CACNA1C: variants seen among roughly 807,000 people sequenced by gnomAD.
The protein encoded by CACNA1C is calcium voltage-gated channel subunit alpha1 C.
CACNA1C carries 30 observed loss-of-function variants against 229.0 expected under a neutral mutation model. The ratio of observed to expected loss-of-function variants is 0.13; its 90% CI spans 0.10 to 0.18. The LOEUF (loss-of-function observed/expected upper bound fraction) is 0.18. Ranked by LOEUF, CACNA1C falls within the 10% of genes least tolerant of loss-of-function variation. CACNA1C has a pLI of 1.00. For synonymous variants in CACNA1C, 1,114 were observed against 1,132.5 expected, an observed-to-expected ratio of 0.98 and a Z score of 0.33; for missense variants, 1,658 against 2,845.0, an observed-to-expected ratio of 0.58 and a Z score of 9.49.
Position 2,486,659 on chromosome 12 carries a change from G to A in CACNA1C, c.916+397G>A, listed in dbSNP as rs2099698936. On this transcript the variant is annotated intron_variant, in intron 6 of 46. Transcript: ENST00000399655. This position sits in a 1 kb window ranked among gnomAD's most constrained non-coding sequence, Gnocchi z 4.9. ...GCTTCAGTGTGGTTGGCCATTGGGA[G>A]CCCTTTCACGGGGCCGCTTAGCCCT... 6.6e-6 allele frequency among the ~76,000 whole-genome samples: 1 copy of A among 152,168 alleles called. No homozygotes were observed. Among genetic ancestry groups the A allele is most frequent in the Admixed American group, 6.5e-5 (1 of 15,276 alleles).
At position 2,457,648 on chromosome 12, in the gene CACNA1C, G is replaced by T. The variant is rs867471302; in HGVS notation, c.699G>T (p.Val233=). Residue 233 remains valine (V), a synonymous_variant, in exon 5 of 47, where the codon GTG becomes GTT. Transcript: ENST00000399655. ...ALGGKGAGFD[V]KALRAFRVLR... ...GAGGGAAAGGGGCCGGATTTGATGTGAAGGCGCTGAGGGCCTTCCGCGTGC... is the reference window on the plus strand; with the variant it reads ...GAGGGAAAGGGGCCGGATTTGATGTTAAGGCGCTGAGGGCCTTCCGCGTGC... 1 of 1,612,258 alleles carries T rather than the reference G, an allele frequency of 6.2e-7. No individual in the cohort carries two copies. Among genetic ancestry groups the T allele is most frequent in the South Asian group, 1.1e-5 (1 of 90,890 alleles).
rs1753548380 is a variant in CACNA1C, at chr12:2,479,080, AT to A, written c.758-7020del. ...TGGGAGAAGCTGGTGTTTGATCTAC[AT>A]TTTCTTAGAATCTGCATCGCAAATC... On this transcript the variant is annotated intron_variant, in intron 5 of 46. Coordinates refer to ENST00000399655, the MANE Select transcript of CACNA1C (RefSeq NM_000719.7). This position sits in a 1 kb window ranked among gnomAD's most constrained non-coding sequence, Gnocchi z 4.3. Among the ~76,000 whole-genome samples, 1 of 151,544 alleles carries A rather than the reference AT, an allele frequency of 6.6e-6. No individual in the cohort carries two copies. Among genetic ancestry groups the A allele is most frequent in the Non-Finnish European group, 1.5e-5 (1 of 67,964 alleles).
chr12:2,684,493 G>A (rs941772306), intron 43 of CACNA1C, among the ~76,000 whole-genome samples: 7 of 152,080 alleles, frequency 4.6e-5, no homozygotes, highest in African/African-American at 1.4e-4. Flanking sequence ...AAACTATTTC[G>A]GTTATTCTAG....
At chr12:2,313,970 A>G (rs1381325287) in intron 3 of CACNA1C, among the ~76,000 whole-genome samples, 1 of 152,230 alleles carries the variant, frequency 6.6e-6, no homozygotes, top group Admixed American at 6.5e-5. Flanking sequence ...GGAAAATATC[A>G]ACAGCCTGCC....
At chr12:2,086,038 G>A (rs755361840) in intron 1 of CACNA1C, among the ~76,000 whole-genome samples, 49 of 152,130 alleles carry the variant, frequency 3.2e-4, no homozygotes, top group Non-Finnish European at 5.7e-4. Context: ...GACTTCTTCC[G>A]CAGATGCAGC....
chr12:2,502,664 T>C (rs906516014), intron 7 of CACNA1C, among the ~76,000 whole-genome samples: 4 of 152,218 alleles, frequency 2.6e-5, no homozygotes, highest in Non-Finnish European at 5.9e-5. Flanking sequence ...AAAGAACATA[T>C]TGGGATGTAA....
chr12:2,191,610 T>C (rs1269666252), intron 3 of CACNA1C, among the ~76,000 whole-genome samples: 2 of 149,822 alleles, frequency 1.3e-5, no homozygotes, highest in African/African-American at 2.5e-5. Context: ...ACACATGCGC[T>C]CAGGCACACA....
At chr12:2,483,136 AT>A (rs2099683012) in intron 5 of CACNA1C, among the ~76,000 whole-genome samples, 1 of 152,222 alleles carries the variant, frequency 6.6e-6, no homozygotes, top group Non-Finnish European at 1.5e-5. Context: ...GAGGCAGGGA[AT>A]GGCTTTCCAG....
chr12:2,640,523 CAAACG>C (rs1339779912), intron 30 of CACNA1C, among the ~76,000 whole-genome samples: 1 of 152,228 alleles, frequency 6.6e-6, no homozygotes, highest in Non-Finnish European at 1.5e-5. Flanking sequence ...GAACAGAAGG[CAAACG>C]CCAGGAGGCG....
intron 1 of CACNA1C, among the ~76,000 whole-genome samples, chr12:2,075,789 G>A (rs1048466316): frequency 2.0e-5 from 3 of 152,174 alleles, no homozygotes; most frequent in African/African-American, 7.2e-5. Flanking sequence ...GGCTTGTGCT[G>A]TGCCCCAGGT....
chr12:2,592,148 G>T (rs913786694), intron 18 of CACNA1C, among the ~76,000 whole-genome samples: 8 of 152,214 alleles, frequency 5.3e-5, no homozygotes, highest in African/African-American at 1.9e-4. Context: ...AAATAGTTTC[G>T]TGTGAGTGGA....
At chr12:2,578,488 C>T (rs1318719590) in intron 13 of CACNA1C, among the ~76,000 whole-genome samples, 3 of 152,168 alleles carry the variant, frequency 2.0e-5, no homozygotes, top group Non-Finnish European at 4.4e-5. Flanking sequence ...TCGTGGGCCT[C>T]ACCTCATAGC....
chr12:2,569,666 AT>A (rs1247164312), intron 13 of CACNA1C, among the ~76,000 whole-genome samples: 2 of 152,234 alleles, frequency 1.3e-5, no homozygotes, highest in Admixed American at 1.3e-4. Flanking sequence ...TTGTAGGGAT[AT>A]ACTACATTTT....
chr12:2,500,902 C>G (rs921550201), intron 7 of CACNA1C, among the ~76,000 whole-genome samples: 2 of 151,986 alleles, frequency 1.3e-5, no homozygotes, highest in Non-Finnish European at 2.9e-5. Context: ...CTGACTGCCC[C>G]ACCCTCTCAA....
chr12:2,069,418 T>G (rs1193323341), intron 1 of CACNA1C, among the ~76,000 whole-genome samples: 2 of 152,130 alleles, frequency 1.3e-5, no homozygotes. Context: ...GTGGGGGGTG[T>G]GCCTGTACGT....
intron 10 of CACNA1C, among the ~76,000 whole-genome samples, chr12:2,553,240 C>T (rs1040872053): frequency 1.1e-4 from 16 of 152,218 alleles, no homozygotes; most frequent in African/African-American, 3.4e-4. Context: ...GGGTGGGGGG[C>T]GGAAACCACC....
intron 3 of CACNA1C, among the ~76,000 whole-genome samples, chr12:2,392,398 A>G (rs953989420): frequency 4.6e-5 from 7 of 152,158 alleles, no homozygotes; most frequent in Non-Finnish European, 2.9e-5. Context: ...CCTTCCTTCC[A>G]GGAAGCTGCA....
At chr12:2,681,437 T>C (rs986788807) in intron 42 of CACNA1C, among the ~76,000 whole-genome samples, 4 of 152,198 alleles carry the variant, frequency 2.6e-5, no homozygotes, top group African/African-American at 9.6e-5. Flanking sequence ...ATAGCCCACG[T>C]CCCAGCTCCC....
chr12:2,400,270 G>T (rs1188632566), intron 3 of CACNA1C, among the ~76,000 whole-genome samples: 1 of 152,162 alleles, frequency 6.6e-6, no homozygotes, highest in Non-Finnish European at 1.5e-5. Context: ...ATTCCTTCGT[G>T]CCCTATTGCC....
Sources: allele counts gnomAD v4.1 joint callset (sites outside exome capture counted in the v4.1 genomes callset), GRCh38; gene constraint gnomAD v4.1.1; non-coding constraint Gnocchi (gnomAD v3.1); transcripts MANE v1.5; gene names NCBI Gene and HGNC (gene_info 2026-07-23, HGNC 2026-07-21).